CFAP221: variants seen among roughly 807,000 people sequenced by gnomAD.
CFAP221 encodes cilia and flagella associated protein 221, also known as cilia- and flagella-associated protein 221.
Under a neutral mutation model 113.1 loss-of-function variants are expected in CFAP221, and 97 were observed. That is an observed-to-expected ratio of 0.86 (90% CI 0.73 to 1.02). CFAP221 has a LOEUF of 1.02. Among genes scored for constraint, CFAP221 ranks in the 50% least tolerant of loss-of-function variants. The pLI is 0.00. For missense variants in CFAP221, 1,025 were observed against 1,013.4 expected (o/e 1.01, Z -0.16); for synonymous variants, 331 against 354.4 (o/e 0.93, Z 0.74).
rs537246512 is a variant in CFAP221 at position 119,615,542 on chromosome 2, T to C, written c.1312-69T>C. On this transcript the variant is annotated intron_variant, in intron 13 of 23. Transcript: ENST00000413369. ...TGATTTGGGATCAAACTCTAAAATG[T>C]TTTTATTAGATGTTTATGACAGGAG... is the stretch of plus-strand genomic sequence containing the variant. 5.0e-4 allele frequency: 570 copies of C among 1,130,452 alleles called. 6 individuals carry two copies. The South Asian group carries it at 8.2e-3, about 16-fold the overall frequency. The allele number at this position is 1,130,452 out of a possible 1,614,324, so 70.0% of individuals were successfully genotyped here. A position where few individuals can be genotyped will look rare whatever the true frequency, so the allele number is the denominator to read the frequency against.
intron 7 of CFAP221, among the ~76,000 whole-genome samples, chr2:119,598,170 A>G (rs186467376): frequency 6.6e-6 from 1 of 152,334 alleles, no homozygotes; most frequent in African/African-American, 2.4e-5. Context: ...GTGTTAGTAC[A>G]ATGTTGTAGT....
chr2:119,567,795 A>G (rs902726212), intron 6 of CFAP221, among the ~76,000 whole-genome samples: 1 of 152,252 alleles, frequency 6.6e-6, no homozygotes, highest in Admixed American at 6.5e-5. Context: ...ATATAGTTCT[A>G]TTAATATCTA....
intron 1 of CFAP221, among the ~76,000 whole-genome samples, chr2:119,545,868 G>A (rs944330462): frequency 6.6e-6 from 1 of 152,140 alleles, no homozygotes; most frequent in Admixed American, 6.5e-5. Context: ...GACCACAGAA[G>A]GGTTTGGAGC....
chr2:119,569,068 G>A (rs1439939354), intron 6 of CFAP221, among the ~76,000 whole-genome samples: 1 of 151,708 alleles, frequency 6.6e-6, no homozygotes, highest in African/African-American at 2.4e-5. Context: ...TAAGTCTGAT[G>A]TAATTCTTAT....
intron 11 of CFAP221, 98 bp downstream of exon 11, chr2:119,605,387 A>ACT: frequency 1.1e-6 from 1 of 948,884 alleles, no homozygotes; most frequent in Non-Finnish European, 1.6e-6. Flanking sequence ...ATAACCTTTT[A>ACT]GGTACTTTGG....
downstream of CFAP221, chr2:119,660,163 T>C (rs1446009272): frequency 6.6e-6 from 1 of 152,280 alleles, no homozygotes; most frequent in Non-Finnish European, 1.5e-5. Context: ...TTCCCTGCTC[T>C]CCCCAGGTTG....
intron 7 of CFAP221, among the ~76,000 whole-genome samples, chr2:119,597,026 G>A (rs1420111350): frequency 1.3e-5 from 2 of 152,228 alleles, no homozygotes; most frequent in Non-Finnish European, 2.9e-5. Flanking sequence ...AGCGGGTCAA[G>A]TGTAAGTTTT....
chr2:119,630,894 A>T lies in CFAP221; in HGVS notation c.1967A>T (p.Tyr656Phe), dbSNP rs141629669. The T allele has an allele frequency of 5.1e-5, 83 of 1,612,784 alleles. No homozygotes were observed. In the African/African-American group the frequency reaches 1.1e-3, roughly 20 times the overall value. ...LAMSLDYDPL[Y>F]VFNPNPGLFA... ...ATGTCTCTAGATTATGATCCTCTGT[A>T]TGTTTTTGTAAGTGACAACTGGCAG... is the stretch of plus-strand genomic sequence containing the variant. Residue 656 changes from tyrosine (Y) to phenylalanine (F), a missense_variant, in exon 19 of 24, where the codon TAT (tyrosine) becomes TTT (phenylalanine). Transcript: ENST00000413369.
intron 14 of CFAP221, among the ~76,000 whole-genome samples, chr2:119,621,080 C>A (rs1210985928): frequency 6.6e-6 from 1 of 151,980 alleles, no homozygotes; most frequent in East Asian, 1.9e-4. Context: ...CAAAAATTAG[C>A]CGGGTGTGCT....
intron 21 of CFAP221, among the ~76,000 whole-genome samples, chr2:119,642,996 G>T (rs891620201): frequency 6.6e-6 from 1 of 151,846 alleles, no homozygotes; most frequent in African/African-American, 2.4e-5. Context: ...TTGCTATGTT[G>T]CCCGGGCTGA....
chr2:119,561,377 A>G (rs1681234073), intron 5 of CFAP221, among the ~76,000 whole-genome samples: 1 of 152,256 alleles, frequency 6.6e-6, no homozygotes, highest in South Asian at 2.1e-4. Flanking sequence ...TGCCTAGAAC[A>G]GGCATTGTAT....
chr2:119,635,245 G>T (rs1687043289), intron 19 of CFAP221, among the ~76,000 whole-genome samples: 1 of 152,184 alleles, frequency 6.6e-6, no homozygotes, highest in Admixed American at 6.5e-5. Flanking sequence ...AAACTGTTTG[G>T]CAGTTTCTTA....
At chr2:119,556,617 G>A (rs1249051847) in intron 3 of CFAP221, among the ~76,000 whole-genome samples, 6 of 149,860 alleles carry the variant, frequency 4.0e-5, no homozygotes, top group Admixed American at 1.3e-4. Context: ...GCAATGGCGC[G>A]ATCTCAGCTC....
chr2:119,584,154 A>C (rs1574059663), intron 6 of CFAP221, among the ~76,000 whole-genome samples: 1 of 152,238 alleles, frequency 6.6e-6, no homozygotes, highest in Non-Finnish European at 1.5e-5. Flanking sequence ...AATTTTCTCC[A>C]AAACAATGAT....
At position 119,632,465 on chromosome 2, in the gene CFAP221, C is replaced by T. The variant is rs528619251; in HGVS notation, c.1974+1564C>T. On this transcript the variant is annotated intron_variant, in intron 19 of 23. Coordinates refer to ENST00000413369, the MANE Select transcript of CFAP221 (RefSeq NM_001271049.2). Reference sequence around the variant, plus strand: ...TCCTGATGAACACTATCAGCAAGTGCGGGATAGAAGGGAACTTCCTCAACC... The same window carrying T: ...TCCTGATGAACACTATCAGCAAGTGTGGGATAGAAGGGAACTTCCTCAACC... Among the ~76,000 whole-genome samples, 5 of 152,082 alleles carry T rather than the reference C, an allele frequency of 3.3e-5. No individual in the cohort carries two copies. In the South Asian group the frequency reaches 6.2e-4, roughly 19 times the overall value.
chr2:119,578,952 T>A (rs1426907351), intron 6 of CFAP221, among the ~76,000 whole-genome samples: 2 of 152,170 alleles, frequency 1.3e-5, no homozygotes, highest in Non-Finnish European at 2.9e-5. Flanking sequence ...TTCTATTAAG[T>A]CATTTTATTA....
chr2:119,584,509 C>T (rs1312291107), intron 6 of CFAP221, among the ~76,000 whole-genome samples: 1 of 151,954 alleles, frequency 6.6e-6, no homozygotes, highest in East Asian at 1.9e-4. Flanking sequence ...ATCACTTCAG[C>T]CCAGAACATC....
chr2:119,596,705 G>T (rs556262208), intron 7 of CFAP221, among the ~76,000 whole-genome samples: 1 of 152,380 alleles, frequency 6.6e-6, no homozygotes, highest in African/African-American at 2.4e-5. Flanking sequence ...ACTAGGGATT[G>T]TTAGCGTCTC....
chr2:119,568,234 A>G (rs554489688), intron 6 of CFAP221, among the ~76,000 whole-genome samples: 1 of 152,232 alleles, frequency 6.6e-6, no homozygotes, highest in Non-Finnish European at 1.5e-5. Flanking sequence ...ATTATCCTGA[A>G]CAAACTGTTA....
Sources: allele counts gnomAD v4.1 joint callset (sites outside exome capture counted in the v4.1 genomes callset), GRCh38; gene constraint gnomAD v4.1.1; transcripts MANE v1.5; gene names NCBI Gene and HGNC (gene_info 2026-07-23, HGNC 2026-07-21).